MARCHF1: variants seen among roughly 807,000 people sequenced by gnomAD.
MARCHF1 encodes the protein membrane associated ring-CH-type finger 1.
In MARCHF1, 40 loss-of-function variants were observed where a neutral mutation model predicts 54.2. That is an observed-to-expected ratio of 0.74 (90% CI 0.57 to 0.96). The LOEUF (loss-of-function observed/expected upper bound fraction) is 0.96. Ranked by LOEUF, MARCHF1 falls within the 40% of genes least tolerant of loss-of-function variation. MARCHF1 has a pLI of 0.00. For missense variants in MARCHF1, 586 were observed against 656.5 expected (o/e 0.89, Z 1.17); for synonymous variants, 236 against 236.3 (o/e 1.00, Z 0.01).
At chr4:163,584,697 A>G (rs1740349375) in intron 8 of MARCHF1, 1 of 152,248 alleles carries the variant, frequency 6.6e-6, no homozygotes, top group African/African-American at 2.4e-5. Flanking sequence ...CACAATTTAC[A>G]GAATTAATGA....
intron 8 of MARCHF1, among the ~76,000 whole-genome samples, chr4:163,550,404 T>G (rs1739069729): frequency 1.3e-5 from 2 of 152,044 alleles, no homozygotes; most frequent in African/African-American, 4.8e-5. Context: ...GTTTCCAGCT[T>G]CCGTAACAGT....
At chr4:163,794,630 A>G (rs1427600749) in intron 4 of MARCHF1, among the ~76,000 whole-genome samples, 1 of 152,070 alleles carries the variant, frequency 6.6e-6, no homozygotes, top group African/African-American at 2.4e-5. Flanking sequence ...TATTTCCTAT[A>G]TTTTCCAAAT....
intron 5 of MARCHF1, among the ~76,000 whole-genome samples, chr4:163,626,206 T>C (rs1473636484): frequency 6.6e-6 from 1 of 152,228 alleles, no homozygotes; most frequent in Non-Finnish European, 1.5e-5. Context: ...GGCAGTAATT[T>C]CAAATTAGGT....
chr4:163,677,398 T>C (rs1298742755), intron 5 of MARCHF1, among the ~76,000 whole-genome samples: 4 of 152,154 alleles, frequency 2.6e-5, no homozygotes, highest in Admixed American at 2.6e-4. Flanking sequence ...AAACTGGCCT[T>C]CCATGGTACC....
At chr4:163,726,526 G>T (rs1745657756) in intron 4 of MARCHF1, among the ~76,000 whole-genome samples, 1 of 152,024 alleles carries the variant, frequency 6.6e-6, no homozygotes, top group Admixed American at 6.6e-5. Flanking sequence ...GCATCTTGTT[G>T]TTCTTAAAGC....
chr4:163,538,343 A>G (rs1255280747), intron 9 of MARCHF1, among the ~76,000 whole-genome samples: 1 of 151,662 alleles, frequency 6.6e-6, no homozygotes, highest in East Asian at 1.9e-4. Context: ...TTTTTTTCAC[A>G]CACACACACA....
intron 4 of MARCHF1, among the ~76,000 whole-genome samples, chr4:163,725,127 G>A (rs528576323): frequency 3.9e-5 from 6 of 152,110 alleles, no homozygotes; most frequent in Non-Finnish European, 5.9e-5. Context: ...GGAGCTGTTC[G>A]TATTCAGCCA....
intron 4 of MARCHF1, among the ~76,000 whole-genome samples, chr4:163,787,124 T>C (rs1747644206): frequency 2.0e-5 from 3 of 151,576 alleles, no homozygotes; most frequent in Admixed American, 2.0e-4. Flanking sequence ...CTATAAAACT[T>C]CTAGAATTAA....
In MARCHF1 at chr4:163,973,545, T is replaced by C. The variant is rs541602176; in HGVS notation, c.-39+14956A>G. 6.2e-4 allele frequency among the ~76,000 whole-genome samples: 95 copies of C among 152,226 alleles called. 1 individual carries two copies. Among genetic ancestry groups the C allele is most frequent in the Non-Finnish European group, 1.2e-3 (80 of 68,040 alleles). On this transcript the variant is annotated intron_variant, in intron 3 of 9. Coordinates refer to ENST00000514618, the MANE Select transcript of MARCHF1 (RefSeq NM_001394959.1). ...TTCCCATTGGCCAAAGCAAGTCACATAGCCATGCCCGGAAACGGCGTTGGA... is the reference window on the plus strand; with the variant it reads ...TTCCCATTGGCCAAAGCAAGTCACACAGCCATGCCCGGAAACGGCGTTGGA...
chr4:163,760,754 G>A (rs531579922), intron 4 of MARCHF1, among the ~76,000 whole-genome samples: 6 of 152,042 alleles, frequency 3.9e-5, no homozygotes, highest in African/African-American at 9.6e-5. Flanking sequence ...AATTCCCTGC[G>A]CTCTTATTTT....
intron 4 of MARCHF1, among the ~76,000 whole-genome samples, chr4:163,817,908 C>T (rs1317792279): frequency 7.8e-6 from 1 of 127,830 alleles, no homozygotes; most frequent in African/African-American, 3.1e-5. Context: ...GGGAATTGAA[C>T]AATGAGAACA....
chr4:163,743,364 G>C (rs1485192945), intron 4 of MARCHF1, among the ~76,000 whole-genome samples: 2 of 152,156 alleles, frequency 1.3e-5, no homozygotes, highest in African/African-American at 4.8e-5. Context: ...GAATTTCCAA[G>C]CATCTAAAGA....
chr4:163,709,006 G>A (rs1745028904), intron 4 of MARCHF1, among the ~76,000 whole-genome samples: 1 of 152,104 alleles, frequency 6.6e-6, no homozygotes, highest in Admixed American at 6.6e-5. Flanking sequence ...AGAAAAATGT[G>A]TAGAGGACAA....
At chr4:163,700,893 A>C (rs563877126) in intron 4 of MARCHF1, 30 bp from the exon 5 acceptor site, 2 of 1,492,154 alleles carry the variant, frequency 1.3e-6, no homozygotes, top group South Asian at 2.4e-5. Flanking sequence ...ACATTAATTA[A>C]AAGAAGGTAT....
intron 4 of MARCHF1, among the ~76,000 whole-genome samples, chr4:163,815,720 A>C (rs2111029110): frequency 6.6e-6 from 1 of 152,300 alleles, no homozygotes; most frequent in Middle Eastern, 3.4e-3. Flanking sequence ...CAAGAATTTT[A>C]ATCATTTTTA....
At chr4:163,926,622 A>C (rs931726125) in intron 3 of MARCHF1, among the ~76,000 whole-genome samples, 2 of 151,682 alleles carry the variant, frequency 1.3e-5, no homozygotes, top group Non-Finnish European at 3.0e-5. Flanking sequence ...CAGTTGCTCT[A>C]CATCCTTAAA....
intron 5 of MARCHF1, among the ~76,000 whole-genome samples, chr4:163,640,114 T>C (rs1010649872): frequency 4.6e-5 from 7 of 152,220 alleles, no homozygotes; most frequent in African/African-American, 1.7e-4. Context: ...ATTTACTAGG[T>C]TAGATGATTA....
intron 2 of MARCHF1, among the ~76,000 whole-genome samples, chr4:164,080,453 T>C (rs1755071381): frequency 6.6e-6 from 1 of 152,186 alleles, no homozygotes. Context: ...TATATTTCCA[T>C]TATTATATAG....
intron 2 of MARCHF1, among the ~76,000 whole-genome samples, chr4:164,051,747 T>A (rs189113513): frequency 6.6e-6 from 1 of 152,210 alleles, no homozygotes; most frequent in African/African-American, 2.4e-5. Context: ...ATCACCATGT[T>A]ATTCTGTTAT....
Sources: gnomAD v4.1 joint callset for allele counts (sites outside exome capture counted in the v4.1 genomes callset) on GRCh38, gnomAD v4.1.1 for gene constraint, MANE v1.5 for transcripts, NCBI Gene and HGNC (gene_info 2026-07-23, HGNC 2026-07-21) for gene names.